EPHB1: variants seen among roughly 807,000 people sequenced by gnomAD.
EPHB1 encodes the protein EPH receptor B1.
A neutral mutation model predicts 94.4 loss-of-function variants in EPHB1; 30 were observed. The ratio of observed to expected loss-of-function variants is 0.32; its 90% CI spans 0.24 to 0.43. The LOEUF (loss-of-function observed/expected upper bound fraction) is 0.43, where lower values mean the gene tolerates loss of function less well. Ranked by LOEUF, EPHB1 falls within the 20% of genes least tolerant of loss-of-function variation. EPHB1 has a pLI of 1.00. For synonymous variants in EPHB1, 522 were observed against 489.1 expected (o/e 1.07, Z -0.89); for missense variants, 1,055 against 1,308.3 (o/e 0.81, Z 2.99).
At chr3:134,934,409 C>T (rs1361211820) in intron 2 of EPHB1, among the ~76,000 whole-genome samples, 12 of 152,138 alleles carry the variant, frequency 7.9e-5, no homozygotes, top group Admixed American at 7.9e-4. Flanking sequence ...AGATGCTGCT[C>T]TGGGAAGAGA....
chr3:134,841,710 A>C (rs1315782218), intron 1 of EPHB1, among the ~76,000 whole-genome samples: 4 of 152,336 alleles, frequency 2.6e-5, no homozygotes, highest in Non-Finnish European at 5.9e-5. Flanking sequence ...CTCTCTGCAT[A>C]ACCTTAAGGA....
At chr3:134,796,052 G>A in intron 1 of EPHB1, 1 of 330,808 alleles carries the variant, frequency 3.0e-6, no homozygotes, top group Non-Finnish European at 5.5e-6. Context: ...TGGGGAGAAA[G>A]GGGTGCCTCT....
intron 1 of EPHB1, among the ~76,000 whole-genome samples, chr3:134,886,021 G>C (rs527928330): frequency 1.0e-3 from 152 of 152,310 alleles, no homozygotes; most frequent in African/African-American, 3.5e-3. Context: ...TTAAGAGTTG[G>C]TTAATTAAAA....
chr3:134,920,100 T>C (rs1560297054), intron 1 of EPHB1, among the ~76,000 whole-genome samples: 1 of 152,128 alleles, frequency 6.6e-6, no homozygotes, highest in African/African-American at 2.4e-5. Context: ...AAAATTTCTG[T>C]GTTCTGTGTG....
At chr3:135,102,641 AG>A (rs928841730) in intron 3 of EPHB1, among the ~76,000 whole-genome samples, 1 of 152,220 alleles carries the variant, frequency 6.6e-6, no homozygotes, top group African/African-American at 2.4e-5. Context: ...TATACCCAAA[AG>A]ATTATAAATC....
At position 135,222,967 on chromosome 3, in the gene EPHB1, G is replaced by A. The variant is rs111491088; in HGVS notation, c.2347-18181G>A. On this transcript the variant is annotated intron_variant, in intron 12 of 15. Transcript: ENST00000398015. ...CTCTGTTATTTTATTGTGCAATTTC[G>A]CAGAGTATGAGGTTTTACTAAAATA... 8.1e-3 allele frequency among the ~76,000 whole-genome samples: 1,241 copies of A among 152,276 alleles called. 9 individuals are homozygous for A. The highest frequency in any genetic ancestry group is 0.027 in the African/African-American group (1,130 of 41,544).
At chr3:135,021,369 T>C (rs1041001487) in intron 3 of EPHB1, among the ~76,000 whole-genome samples, 2 of 152,120 alleles carry the variant, frequency 1.3e-5, no homozygotes, top group Non-Finnish European at 2.9e-5. Flanking sequence ...TATTTTATTA[T>C]GTTTTTAATT....
At chr3:134,991,781 C>T (rs182184847) in intron 3 of EPHB1, among the ~76,000 whole-genome samples, 240 of 152,308 alleles carry the variant, frequency 1.6e-3, no homozygotes, top group South Asian at 0.014. Context: ...TTCTTCCCTC[C>T]TCATTCCCTA....
At chr3:134,901,568 G>T (rs186411995) in intron 1 of EPHB1, among the ~76,000 whole-genome samples, 2 of 152,366 alleles carry the variant, frequency 1.3e-5, no homozygotes, top group African/African-American at 4.8e-5. Flanking sequence ...TCACCTGCTG[G>T]CTTGGCAGCC....
chr3:134,880,003 T>C (rs1439786017), intron 1 of EPHB1, among the ~76,000 whole-genome samples: 3 of 152,200 alleles, frequency 2.0e-5, no homozygotes, highest in African/African-American at 4.8e-5. Context: ...TCCAGTTGTT[T>C]TATTATCAAT....
At chr3:135,054,816 C>A (rs1937300277) in intron 3 of EPHB1, among the ~76,000 whole-genome samples, 1 of 152,132 alleles carries the variant, frequency 6.6e-6, no homozygotes, top group South Asian at 2.1e-4. Flanking sequence ...TGGGTTTTAT[C>A]CCTTTCCTTT....
At chr3:135,025,030 A>C (rs1050928318) in intron 3 of EPHB1, among the ~76,000 whole-genome samples, 1 of 151,594 alleles carries the variant, frequency 6.6e-6, no homozygotes, top group Non-Finnish European at 1.5e-5. Flanking sequence ...CACTTTGTTA[A>C]CATATATTTA....
intron 1 of EPHB1, among the ~76,000 whole-genome samples, chr3:134,910,384 C>T (rs1256412285): frequency 1.3e-5 from 2 of 152,176 alleles, no homozygotes; most frequent in African/African-American, 4.8e-5. Context: ...CTACCTGGAT[C>T]GTCAAATTCC....
At chr3:135,049,150 C>T (rs1435642878) in intron 3 of EPHB1, among the ~76,000 whole-genome samples, 1 of 152,186 alleles carries the variant, frequency 6.6e-6, no homozygotes, top group Non-Finnish European at 1.5e-5. Context: ...TAGAGAGATG[C>T]CTTGCCATTG....
At chr3:135,079,092 A>AAAAAC (rs1938060037) in intron 3 of EPHB1, among the ~76,000 whole-genome samples, 1 of 151,472 alleles carries the variant, frequency 6.6e-6, no homozygotes, top group Admixed American at 6.5e-5. Context: ...CAAGCAAAAA[A>AAAAAC]AAAACAAAAC....
At chr3:134,801,689 AT>A in intron 1 of EPHB1, among the ~76,000 whole-genome samples, 1 of 152,274 alleles carries the variant, frequency 6.6e-6, no homozygotes, top group South Asian at 2.1e-4. Flanking sequence ...TAAAAGCAAA[AT>A]TTTGCATGAG....
intron 3 of EPHB1, among the ~76,000 whole-genome samples, chr3:135,083,172 G>A (rs936428533): frequency 9.9e-5 from 15 of 152,150 alleles, no homozygotes; most frequent in Admixed American, 9.2e-4. Context: ...GACCCCATTG[G>A]AGCAGCTGTA....
chr3:134,893,569 G>A lies in EPHB1; in HGVS notation c.59-32247G>A, dbSNP rs567158626. 4.6e-5 allele frequency among the ~76,000 whole-genome samples: 7 copies of A among 152,256 alleles called. No individual in the cohort carries two copies. In the South Asian group the frequency reaches 8.3e-4, roughly 18 times the overall value. On this transcript the variant is annotated intron_variant, in intron 1 of 15. Coordinates refer to ENST00000398015, the MANE Select transcript of EPHB1 (RefSeq NM_004441.5). The stretch of plus-strand genomic sequence containing the variant: ...GTGAGGGATCCCAGGGTTGCCTCAA[G>A]GGCTCTGGACTTGCCCTTGCCTCTG...
At chr3:135,140,353 C>T (rs949647551) in intron 5 of EPHB1, among the ~76,000 whole-genome samples, 3 of 152,258 alleles carry the variant, frequency 2.0e-5, no homozygotes, top group African/African-American at 4.8e-5. Context: ...GGAGAGAACG[C>T]CCTGTATCCA....
Sources: gnomAD v4.1 joint callset for allele counts (sites outside exome capture counted in the v4.1 genomes callset) on GRCh38, gnomAD v4.1.1 for gene constraint, MANE v1.5 for transcripts, NCBI Gene and HGNC (gene_info 2026-07-23, HGNC 2026-07-21) for gene names.